WDR17: variants seen among roughly 807,000 people sequenced by gnomAD.
WDR17 encodes WD repeat domain 17.
WDR17 carries 143 observed loss-of-function variants against 161.7 expected under a neutral mutation model. The ratio of observed to expected loss-of-function variants is 0.88; its 90% CI spans 0.77 to 1.02. The LOEUF is 1.02. WDR17 is among the 50% of genes least tolerant of loss of function. WDR17 has a pLI of 0.00. For synonymous variants in WDR17, 517 were observed against 515.6 expected, an observed-to-expected ratio of 1.00 and a Z score of -0.04; for missense variants, 1,469 against 1,520.9, an observed-to-expected ratio of 0.97 and a Z score of 0.57.
rs539852931 is a variant in WDR17, at chr4:176,088,698, A to G, written c.-7+22619A>G. 7.9e-5 allele frequency among the ~76,000 whole-genome samples: 12 copies of G among 152,300 alleles called. No individual in the cohort carries two copies. In the East Asian group the frequency reaches 1.4e-3, roughly 17 times the overall value. ...GGCTGAGATGATTATGGCAAAGTCA[A>G]TACATTTCCTGTTGGTATTTCTTTG... On this transcript the variant is annotated intron_variant, in intron 1 of 28. Coordinates refer to ENST00000508596, the MANE Select transcript of WDR17 (RefSeq NM_181265.4).
rs1206794827 is a variant in WDR17, at chr4:176,065,919, C to T, written c.-167C>T. On this transcript the variant is annotated 5_prime_UTR_variant, in exon 1 of 29. Coordinates refer to ENST00000508596, the MANE Select transcript of WDR17 (RefSeq NM_181265.4). ...GGGCTTGCGGAGCACGCTTCCCGCC[C>T]CTCGGAGCCCGCGGGCCCGGCCGCC... The T allele has an allele frequency of 2.6e-5, 4 of 152,092 alleles. No individual in the cohort carries two copies. The highest frequency in any genetic ancestry group is 7.2e-5 in the African/African-American group (3 of 41,412). 9.4% of individuals were successfully genotyped at this position (152,092 alleles called of 1,614,324 possible). A position where few individuals can be genotyped will look rare whatever the true frequency, so the allele number is the denominator to read the frequency against.
intron 1 of WDR17, among the ~76,000 whole-genome samples, chr4:176,074,269 A>G (rs1385570902): frequency 2.0e-5 from 3 of 152,010 alleles, no homozygotes; most frequent in African/African-American, 7.2e-5. Context: ...ATCCTGTGCC[A>G]TCTTTTAAAA....
chr4:176,124,409 C>G (rs1742110735), intron 4 of WDR17, among the ~76,000 whole-genome samples: 1 of 152,120 alleles, frequency 6.6e-6, no homozygotes, highest in African/African-American at 2.4e-5. Context: ...TCTGGCTTCC[C>G]TATTTATACT....
intron 1 of WDR17, among the ~76,000 whole-genome samples, chr4:176,074,934 A>G (rs1345483847): frequency 6.6e-6 from 1 of 151,324 alleles, no homozygotes; most frequent in African/African-American, 2.4e-5. Context: ...CAATGGAATA[A>G]TAAACTTCCC....
chr4:176,109,932 A>G (rs1374791980), intron 1 of WDR17, among the ~76,000 whole-genome samples: 1 of 152,170 alleles, frequency 6.6e-6, no homozygotes, highest in Non-Finnish European at 1.5e-5. Context: ...GTCACGTAAA[A>G]CCAAATTTAT....
chr4:176,151,901 T>C lies in WDR17; in HGVS notation c.2394T>C (p.Ala798=), dbSNP rs1484490129. 6.2e-7 allele frequency: 1 copy of C among 1,613,526 alleles called. No individual in the cohort carries two copies. Among genetic ancestry groups the C allele is most frequent in the Non-Finnish European group, 8.5e-7 (1 of 1,179,800 alleles). ...VPAKEERLKE[A]AEIHLRLGQI... The stretch of plus-strand genomic sequence containing the variant: ...CTAAAGAGGAAAGACTGAAGGAAGC[T>C]GCTGAAATCCACTTGAGATTAGGAC... The change falls in exon 17 of 29, where the codon GCT becomes GCC. Residue 798 remains alanine, a synonymous_variant. Transcript: ENST00000508596.
chr4:176,155,505 T>A (rs909925045), intron 17 of WDR17, among the ~76,000 whole-genome samples: 23 of 149,668 alleles, frequency 1.5e-4, no homozygotes, highest in African/African-American at 5.6e-4. Context: ...ACCATGTCAA[T>A]ACAATCTTTT....
chr4:176,180,327 T>A lies in WDR17; in HGVS notation c.*748T>A, dbSNP rs1190382152. The A allele has an allele frequency of 6.6e-6, 1 of 152,168 alleles. No individual in the cohort carries two copies. Among genetic ancestry groups the A allele is most frequent in the Non-Finnish European group, 1.5e-5 (1 of 68,034 alleles). 9.4% of individuals were successfully genotyped at this position (152,168 alleles called of 1,614,324 possible). On this transcript the variant is annotated 3_prime_UTR_variant, in exon 29 of 29. Coordinates refer to ENST00000508596, the MANE Select transcript of WDR17 (RefSeq NM_181265.4). Reference sequence around the variant, plus strand: ...GTGATAAAGTGACTATTTTAAGAGATTCAGCATGCATGGATATTAGTTTTG... The same window carrying A: ...GTGATAAAGTGACTATTTTAAGAGAATCAGCATGCATGGATATTAGTTTTG...
At chr4:176,172,819 G>A (rs948859169) in intron 24 of WDR17, among the ~76,000 whole-genome samples, 1 of 151,898 alleles carries the variant, frequency 6.6e-6, no homozygotes, top group African/African-American at 2.4e-5. Flanking sequence ...AAGAGAGAGA[G>A]GAAGGGAGGT....
intron 6 of WDR17, among the ~76,000 whole-genome samples, chr4:176,129,779 C>T (rs1424420717): frequency 6.6e-6 from 1 of 151,932 alleles, no homozygotes; most frequent in African/African-American, 2.4e-5. Flanking sequence ...TGTGAAGTCC[C>T]TAATAAATGT....
chr4:176,088,236 A>G (rs1735671226), intron 1 of WDR17, among the ~76,000 whole-genome samples: 1 of 152,170 alleles, frequency 6.6e-6, no homozygotes. Context: ...CACATTAAAG[A>G]TAGTATATGA....
At chr4:176,166,798 A>T (rs1749840430) in intron 22 of WDR17, among the ~76,000 whole-genome samples, 1 of 152,144 alleles carries the variant, frequency 6.6e-6, no homozygotes, top group South Asian at 2.1e-4. Flanking sequence ...AAACTACTCT[A>T]ACTTGGAACC....
chr4:176,157,804 G>A (rs1748395071), intron 18 of WDR17, among the ~76,000 whole-genome samples: 1 of 152,158 alleles, frequency 6.6e-6, no homozygotes, highest in South Asian at 2.1e-4. Context: ...GTATCTGTGA[G>A]TTTAAAATGT....
chr4:176,074,929 G>T (rs1191594144), intron 1 of WDR17, among the ~76,000 whole-genome samples: 2 of 147,804 alleles, frequency 1.4e-5, no homozygotes, highest in Non-Finnish European at 3.0e-5. Context: ...AAAGTCAATG[G>T]AATAATAAAC....
rs1485580823 is a variant in WDR17, at chr4:176,179,830, T to G, written c.*251T>G. ...TGGGAAGGAGGAAACATTTAAATTA[T>G]AAAGGACTGAATAATCTAAAAAGCA... On this transcript the variant is annotated 3_prime_UTR_variant, in exon 29 of 29. Transcript: ENST00000508596. 5.4e-6 allele frequency: 1 copy of G among 185,038 alleles called. No individual in the cohort carries two copies. The highest frequency in any genetic ancestry group is 6.1e-5 in the Admixed American group (1 of 16,528). 11.5% of individuals were successfully genotyped at this position (185,038 alleles called of 1,614,324 possible). A position where few individuals can be genotyped will look rare whatever the true frequency, so the allele number is the denominator to read the frequency against.
At chr4:176,089,974 T>A (rs898811533) in intron 1 of WDR17, among the ~76,000 whole-genome samples, 3 of 152,196 alleles carry the variant, frequency 2.0e-5, no homozygotes, top group Admixed American at 1.3e-4. Flanking sequence ...TTCTGTATTT[T>A]TGCCTGCCTG....
chr4:176,090,923 C>T (rs1736040859), intron 1 of WDR17, among the ~76,000 whole-genome samples: 1 of 152,188 alleles, frequency 6.6e-6, no homozygotes. Context: ...AGGAGCATGT[C>T]CTTAAGGTAC....
chr4:176,115,969 C>T lies in WDR17; in HGVS notation c.297C>T (p.Asp99=), dbSNP rs1418947583. ...AACAAAAAGTCATTGCTAAACTCGA[C>T]AGTACAAAAGGTATAATTACAACTG... ...VAEQKVIAKL[D]STKGIPASLS... Residue 99 remains aspartate (D), a synonymous_variant, in exon 3 of 29, where the codon GAC becomes GAT. Coordinates refer to ENST00000508596, the MANE Select transcript of WDR17 (RefSeq NM_181265.4). 2 of 1,603,420 alleles carry T rather than the reference C, an allele frequency of 1.2e-6. No individual in the cohort carries two copies. The highest frequency in any genetic ancestry group is 2.3e-5 in the East Asian group (1 of 44,132).
intron 1 of WDR17, among the ~76,000 whole-genome samples, chr4:176,084,972 C>T (rs371829858): frequency 2.0e-5 from 3 of 151,484 alleles, no homozygotes; most frequent in Non-Finnish European, 4.4e-5. Flanking sequence ...TGTATCTTTG[C>T]GTCACCACCA....
Sources: allele counts gnomAD v4.1 joint callset (sites outside exome capture counted in the v4.1 genomes callset), GRCh38; gene constraint gnomAD v4.1.1; transcripts MANE v1.5; gene names NCBI Gene and HGNC (gene_info 2026-07-23, HGNC 2026-07-21).